Variants in NRXN1 observed in about 807,000 individuals in gnomAD.
NRXN1 encodes neurexin-1.
A neutral mutation model predicts 150.9 loss-of-function variants in NRXN1; 39 were observed. That is an observed-to-expected ratio of 0.26 (90% CI 0.20 to 0.34). The LOEUF (loss-of-function observed/expected upper bound fraction) is 0.34, where lower values mean the gene tolerates loss of function less well. Ranked by LOEUF, NRXN1 falls within the 10% of genes least tolerant of loss-of-function variation. The pLI is 1.00. For missense variants in NRXN1, 1,815 were observed against 1,949.9 expected, an observed-to-expected ratio of 0.93 and a Z score of 1.30; for synonymous variants, 924 against 757.0, an observed-to-expected ratio of 1.22 and a Z score of -3.62.
rs912241968 is a variant in NRXN1, at chr2:50,347,845, T to G, written c.3365-110875A>C. ...GCAAATCACTGAAGCTCGGATGCAA[T>G]GCAGAGGACGAGCCTATGTAACGAG... On this transcript the variant is annotated intron_variant, in intron 17 of 22. Coordinates refer to ENST00000401669, the MANE Select transcript of NRXN1 (RefSeq NM_001330078.2). The surrounding 1 kb of genome is among the most constrained non-coding windows in gnomAD (Gnocchi z 4.9). 6 of 985,524 alleles carry G rather than the reference T, an allele frequency of 6.1e-6. No homozygotes were observed. The highest frequency in any genetic ancestry group is 7.2e-6 in the Non-Finnish European group (6 of 830,006). The allele number at this position is 985,524 out of a possible 1,614,324, so 61.0% of individuals were successfully genotyped here. A position where few individuals can be genotyped will look rare whatever the true frequency, so the allele number is the denominator to read the frequency against.
chr2:50,553,329 A>T (rs1667792835), intron 8 of NRXN1, among the ~76,000 whole-genome samples: 1 of 152,222 alleles, frequency 6.6e-6, no homozygotes. Flanking sequence ...CTTTAATTTC[A>T]TGTCTACATT....
intron 19 of NRXN1, among the ~76,000 whole-genome samples, chr2:50,091,040 C>G (rs1037039125): frequency 7.2e-5 from 11 of 152,134 alleles, no homozygotes; most frequent in African/African-American, 2.7e-4. Context: ...GTAAAAAGAG[C>G]TTTGATATGT....
intron 2 of NRXN1, among the ~76,000 whole-genome samples, chr2:50,926,189 AAG>A (rs1480414417): frequency 6.6e-6 from 1 of 151,948 alleles, no homozygotes; most frequent in Non-Finnish European, 1.5e-5. Flanking sequence ...GCCCTGTGCA[AAG>A]AGTTTTTAAA....
chr2:50,783,720 T>G (rs1704670785), intron 5 of NRXN1, among the ~76,000 whole-genome samples: 1 of 152,160 alleles, frequency 6.6e-6, no homozygotes, highest in Non-Finnish European at 1.5e-5. Flanking sequence ...ACTAGTTTAT[T>G]GTTCTTCACA....
At chr2:50,553,241 T>C (rs1019368468) in intron 8 of NRXN1, among the ~76,000 whole-genome samples, 4 of 152,246 alleles carry the variant, frequency 2.6e-5, no homozygotes, top group Non-Finnish European at 5.9e-5. Flanking sequence ...ATAATGTGTG[T>C]GCAGATGCAC....
chr2:50,518,962 C>T (rs1442711484), intron 12 of NRXN1, among the ~76,000 whole-genome samples: 1 of 151,602 alleles, frequency 6.6e-6, no homozygotes, highest in Non-Finnish European at 1.5e-5. Context: ...TTTTTTCTTC[C>T]TTTCTTTTTA....
In NRXN1 at chr2:50,785,813, AT is replaced by A. The variant is rs1705038627; in HGVS notation, c.832+136055del. Among the ~76,000 whole-genome samples the A allele has an allele frequency of 4.6e-5, 7 of 152,090 alleles. No homozygotes were observed. The South Asian group carries it at 1.5e-3, about 32-fold the overall frequency. On this transcript the variant is annotated intron_variant, in intron 5 of 22. Transcript: ENST00000401669. ...GGAGTTCTAAAGCATGTAATGATGG[AT>A]TTCTGTTTCTGAGGAGGCTATTCTA...
At chr2:50,994,817 G>T (rs1259293162) in intron 2 of NRXN1, among the ~76,000 whole-genome samples, 1 of 151,932 alleles carries the variant, frequency 6.6e-6, no homozygotes, top group Non-Finnish European at 1.5e-5. Flanking sequence ...TTAACTTCCT[G>T]AAAGGTACAG....
intron 5 of NRXN1, among the ~76,000 whole-genome samples, chr2:50,625,212 G>A (rs555753435): frequency 3.3e-5 from 5 of 151,998 alleles, no homozygotes; most frequent in South Asian, 2.1e-4. Context: ...AGCTCAAATC[G>A]CTTTCAACGC....
intron 21 of NRXN1, among the ~76,000 whole-genome samples, chr2:50,005,604 A>G (rs1237962096): frequency 6.6e-6 from 1 of 152,140 alleles, no homozygotes; most frequent in Admixed American, 6.6e-5. Context: ...CATTACTACT[A>G]AAAACAAAAC....
In NRXN1 at chr2:50,862,909, G is replaced by A. The variant is rs535725975; in HGVS notation, c.832+58960C>T. Among the ~76,000 whole-genome samples, 13 of 152,090 alleles carry A rather than the reference G, an allele frequency of 8.5e-5. 1 individual carries two copies. In the East Asian group the frequency reaches 2.5e-3, roughly 30 times the overall value. On this transcript the variant is annotated intron_variant, in intron 5 of 22. Transcript: ENST00000401669. ...GAAATTCCTACTTGTAAGGAATAAG[G>A]CAGCCTCATTTATCTGCCTACGTGA...
chr2:50,309,689 A>C (rs965843897), intron 17 of NRXN1, among the ~76,000 whole-genome samples: 2 of 152,144 alleles, frequency 1.3e-5, no homozygotes, highest in African/African-American at 4.8e-5. Context: ...TATATCGTCT[A>C]GACTAATTTT....
intron 5 of NRXN1, among the ~76,000 whole-genome samples, chr2:50,862,820 G>A (rs780897405): frequency 1.3e-5 from 2 of 152,010 alleles, no homozygotes; most frequent in African/African-American, 2.4e-5. Context: ...CTCATATCAC[G>A]AAGTAAAAAG....
intron 5 of NRXN1, among the ~76,000 whole-genome samples, chr2:50,659,277 A>G (rs1489922389): frequency 1.3e-5 from 2 of 152,038 alleles, no homozygotes; most frequent in Non-Finnish European, 2.9e-5. Flanking sequence ...CTGGACATTT[A>G]TTACAACATT....
At chr2:50,304,945 C>T (rs575317425) in intron 17 of NRXN1, among the ~76,000 whole-genome samples, 19 of 152,100 alleles carry the variant, frequency 1.2e-4, no homozygotes, top group Non-Finnish European at 2.6e-4. Flanking sequence ...CAAAAATCAG[C>T]CGGGTGTGGT....
chr2:50,957,858 G>A (rs1558489993), intron 2 of NRXN1, among the ~76,000 whole-genome samples: 1 of 152,030 alleles, frequency 6.6e-6, no homozygotes, highest in African/African-American at 2.4e-5. Flanking sequence ...TTCTGGCCCA[G>A]AAGTCTTGGT....
chr2:50,172,844 G>C (rs2060113144), intron 18 of NRXN1, among the ~76,000 whole-genome samples: 1 of 152,286 alleles, frequency 6.6e-6, no homozygotes, highest in African/African-American at 2.4e-5. Context: ...GTGGGCGCCT[G>C]TAGTCCCAGC....
At chr2:51,030,577 G>GCA (rs1558623051) in intron 1 of NRXN1, among the ~76,000 whole-genome samples, 2 of 151,406 alleles carry the variant, frequency 1.3e-5, no homozygotes, top group Non-Finnish European at 2.9e-5. Flanking sequence ...CACACAGTGT[G>GCA]GGTGTGCGCA....
At chr2:50,035,160 A>C (rs2351153) in intron 21 of NRXN1, among the ~76,000 whole-genome samples, 1 of 151,982 alleles carries the variant, frequency 6.6e-6, no homozygotes, top group African/African-American at 2.4e-5. Flanking sequence ...ATATGGGGAC[A>C]TCTAATAAAA....
Sources: gnomAD v4.1 joint callset for allele counts (sites outside exome capture counted in the v4.1 genomes callset) on GRCh38, gnomAD v4.1.1 for gene constraint, Gnocchi (gnomAD v3.1) non-coding constraint, MANE v1.5 for transcripts, NCBI Gene and HGNC (gene_info 2026-07-23, HGNC 2026-07-21) for gene names.